Variants in ADAMTS12 observed in about 807,000 individuals in gnomAD.
ADAMTS12 encodes A disintegrin and metalloproteinase with thrombospondin motifs 12.
A neutral mutation model predicts 167.8 loss-of-function variants in ADAMTS12; 118 were observed. That is an observed-to-expected ratio of 0.70 (90% CI 0.61 to 0.82). The LOEUF is 0.82. ADAMTS12 is among the 40% of genes least tolerant of loss of function. The pLI is 0.00. For synonymous variants in ADAMTS12, 704 were observed against 716.9 expected, an observed-to-expected ratio of 0.98 and a Z score of 0.29; for missense variants, 1,916 against 1,998.8, an observed-to-expected ratio of 0.96 and a Z score of 0.79.
chr5:33,629,626 C>A (rs1389113095), intron 13 of ADAMTS12, among the ~76,000 whole-genome samples: 1 of 152,218 alleles, frequency 6.6e-6, no homozygotes, highest in Non-Finnish European at 1.5e-5. Flanking sequence ...GCTATCACAA[C>A]CTTACACAAA....
At chr5:33,619,896 C>T (rs35879457) in intron 14 of ADAMTS12, among the ~76,000 whole-genome samples, 14,528 of 152,100 alleles carry the variant, frequency 0.096, 875 homozygotes, top group East Asian at 0.29. Flanking sequence ...GGTTTCACCA[C>T]GTTGGCCAGG....
intron 11 of ADAMTS12, among the ~76,000 whole-genome samples, 196 bp downstream of exon 11, chr5:33,641,614 C>T (rs931273281): frequency 1.3e-5 from 2 of 152,150 alleles, no homozygotes; most frequent in African/African-American, 2.4e-5. Context: ...AGTGCCAAGC[C>T]GAAATGAAAC....
chr5:33,699,370 A>T (rs572390838), intron 3 of ADAMTS12, among the ~76,000 whole-genome samples: 190 of 143,506 alleles, frequency 1.3e-3, no homozygotes, highest in African/African-American at 5.1e-3. Flanking sequence ...GCAAAAAATT[A>T]AAAAAAAAAC....
chr5:33,624,216 T>TTA lies in ADAMTS12; in HGVS notation c.2143+13_2143+14dup, dbSNP rs779774354. 5 of 1,613,756 alleles carry TTA rather than the reference T, an allele frequency of 3.1e-6. No individual in the cohort carries two copies. In the Admixed American group the frequency reaches 8.3e-5, roughly 27 times the overall value. On this transcript the variant is annotated intron_variant, in intron 14 of 23. Transcript: ENST00000504830. ...TTTGGTCCCCTGCCACTTCGATTAT[T>TTA]TATTTGTTTATTACCAGATCCTTCC...
chr5:33,822,426 G>A (rs1747900617), intron 2 of ADAMTS12, among the ~76,000 whole-genome samples: 1 of 152,058 alleles, frequency 6.6e-6, no homozygotes, highest in Non-Finnish European at 1.5e-5. Flanking sequence ...TTGGGCCTCA[G>A]TTTCCTCATC....
intron 22 of ADAMTS12, among the ~76,000 whole-genome samples, chr5:33,539,204 A>T (rs369210283): frequency 4.6e-5 from 7 of 152,150 alleles, no homozygotes; most frequent in African/African-American, 1.7e-4. Flanking sequence ...GGCCTCCCAA[A>T]GTGCTAGGAC....
In ADAMTS12 at chr5:33,607,116, A is replaced by G. The variant is rs1367477070; in HGVS notation, c.2527+7122T>C. On this transcript the variant is annotated intron_variant, in intron 16 of 23. Coordinates refer to ENST00000504830, the MANE Select transcript of ADAMTS12 (RefSeq NM_030955.4). ...AATAGAAGAAATTTTTTTTTCACCG[A>G]TAAGGATCATCTGAAGCATTCTTAT... Among the ~76,000 whole-genome samples, 4 of 152,246 alleles carry G rather than the reference A, an allele frequency of 2.6e-5. No individual in the cohort carries two copies. In the East Asian group the frequency reaches 7.7e-4, roughly 29 times the overall value.
At chr5:33,692,203 A>G (rs536083381) in intron 3 of ADAMTS12, among the ~76,000 whole-genome samples, 1 of 152,278 alleles carries the variant, frequency 6.6e-6, no homozygotes, top group South Asian at 2.1e-4. Flanking sequence ...GACCAATAAG[A>G]CACAAGGGGA....
intron 3 of ADAMTS12, among the ~76,000 whole-genome samples, chr5:33,721,776 T>C (rs1328932514): frequency 1.3e-5 from 2 of 152,216 alleles, no homozygotes; most frequent in African/African-American, 4.8e-5. Flanking sequence ...CACCTGCTTC[T>C]TCCTTTATTT....
intron 2 of ADAMTS12, among the ~76,000 whole-genome samples, chr5:33,778,444 T>C (rs1187041436): frequency 6.6e-6 from 1 of 152,128 alleles, no homozygotes. Context: ...CTTCAATAAA[T>C]GGTGTTGGGA....
At chr5:33,662,842 CT>C (rs1389497048) in intron 5 of ADAMTS12, among the ~76,000 whole-genome samples, 1 of 152,208 alleles carries the variant, frequency 6.6e-6, no homozygotes, top group Non-Finnish European at 1.5e-5. Flanking sequence ...TGCCTCATTT[CT>C]TTGGGGCCTC....
intron 5 of ADAMTS12, among the ~76,000 whole-genome samples, chr5:33,666,336 T>C (rs1741464356): frequency 6.6e-6 from 1 of 152,174 alleles, no homozygotes; most frequent in African/African-American, 2.4e-5. Flanking sequence ...GCAACCTTCA[T>C]TTACTCCAAA....
chr5:33,835,538 G>A (rs2591719), intron 2 of ADAMTS12, among the ~76,000 whole-genome samples: 21,219 of 152,170 alleles, frequency 0.14, 2,697 homozygotes, highest in East Asian at 0.39. Flanking sequence ...TATCTGGCGA[G>A]GGCCTGTCTC....
At chr5:33,535,826 C>A (rs1418517481) in intron 22 of ADAMTS12, among the ~76,000 whole-genome samples, 1 of 151,908 alleles carries the variant, frequency 6.6e-6, no homozygotes, top group Non-Finnish European at 1.5e-5. Flanking sequence ...GAGGGAAAGA[C>A]CCCAGTGGCA....
intron 2 of ADAMTS12, among the ~76,000 whole-genome samples, chr5:33,800,374 T>C (rs1273118774): frequency 6.6e-6 from 1 of 152,082 alleles, no homozygotes; most frequent in Non-Finnish European, 1.5e-5. Context: ...CCGGAAGACA[T>C]GAGCTGAGGG....
chr5:33,532,073 A>G (rs2111738244), intron 23 of ADAMTS12, among the ~76,000 whole-genome samples: 1 of 152,324 alleles, frequency 6.6e-6, no homozygotes, highest in East Asian at 1.9e-4. Flanking sequence ...AATGCTTATA[A>G]TTATGGGCAA....
chr5:33,659,627 T>C (rs572903349), intron 6 of ADAMTS12, among the ~76,000 whole-genome samples: 70 of 152,318 alleles, frequency 4.6e-4, no homozygotes, highest in Non-Finnish European at 6.2e-4. Flanking sequence ...TATAGGAACA[T>C]GGTTCTTACA....
intron 5 of ADAMTS12, among the ~76,000 whole-genome samples, chr5:33,678,702 A>G (rs935378253): frequency 1.3e-5 from 2 of 152,200 alleles, no homozygotes; most frequent in African/African-American, 4.8e-5. Context: ...GAGAAAGGGA[A>G]TCAGAAAACC....
intron 2 of ADAMTS12, among the ~76,000 whole-genome samples, chr5:33,769,141 A>G (rs533905082): frequency 4.3e-4 from 65 of 151,758 alleles, no homozygotes; most frequent in African/African-American, 1.5e-3. Context: ...GGGGCAAGTG[A>G]CCTCCAGAAG....
Sources: allele counts gnomAD v4.1 joint callset (sites outside exome capture counted in the v4.1 genomes callset), GRCh38; gene constraint gnomAD v4.1.1; transcripts MANE v1.5; gene names NCBI Gene and HGNC (gene_info 2026-07-23, HGNC 2026-07-21).